Variants in OSTF1 observed in about 807,000 individuals in gnomAD.
OSTF1 encodes osteoclast-stimulating factor 1.
In OSTF1, 27 loss-of-function variants were observed where a neutral mutation model predicts 37.2. That is an observed-to-expected ratio of 0.73 (90% confidence interval 0.54 to 1.00). The LOEUF (loss-of-function observed/expected upper bound fraction) is 1.00. Among genes scored for constraint, OSTF1 ranks in the 50% least tolerant of loss-of-function variants. The pLI is 0.00. For synonymous variants in OSTF1, 82 were observed against 89.2 expected (o/e 0.92, Z 0.46); for missense variants, 232 against 253.8 (o/e 0.91, Z 0.58).
At chr9:75,141,678 A>C (rs1004702100) in intron 9 of OSTF1, among the ~76,000 whole-genome samples, 4 of 152,216 alleles carry the variant, frequency 2.6e-5, no homozygotes, top group African/African-American at 9.6e-5. Context: ...AATTTATTCT[A>C]GACTTTGCTA....
chr9:75,102,155 T>C (rs1044690489), intron 1 of OSTF1, among the ~76,000 whole-genome samples: 5 of 152,134 alleles, frequency 3.3e-5, no homozygotes, highest in African/African-American at 1.2e-4. Context: ...TTTTGTTTTT[T>C]GTAGAGATGG....
chr9:75,093,064 C>CTTTTT (rs1043919048), intron 1 of OSTF1, among the ~76,000 whole-genome samples: 7 of 112,856 alleles, frequency 6.2e-5, no homozygotes, highest in African/African-American at 2.2e-4. Flanking sequence ...TTCTTTCTTT[C>CTTTTT]TTTTTTTTTT....
At position 75,128,493 on chromosome 9, in the gene OSTF1, TATTTTGTCC is replaced by T. The variant is rs1270883106; in HGVS notation, c.132+877_132+885del. Among the ~76,000 whole-genome samples, 8 of 47,376 alleles carry T rather than the reference TATTTTGTCC, an allele frequency of 1.7e-4. 2 individuals are homozygous for T. The highest frequency in any genetic ancestry group is 8.1e-4 in the African/African-American group (8 of 9,868). 31.1% of individuals were successfully genotyped at this position (47,376 alleles called of 152,430 possible). A position where few individuals can be genotyped will look rare whatever the true frequency, so the allele number is the denominator to read the frequency against. On this transcript the variant is annotated intron_variant, in intron 3 of 9. Transcript: ENST00000346234. ...TATTTTGTCCATATATATATATATA[TATTTTGTCC>T]ATATATATATATATATATTTTGTCC...
At chr9:75,136,397 TA>T (rs1448005731) in intron 7 of OSTF1, among the ~76,000 whole-genome samples, 2 of 152,134 alleles carry the variant, frequency 1.3e-5, no homozygotes, top group African/African-American at 4.8e-5. Flanking sequence ...CATTCATTAT[TA>T]TTTTTTTAAT....
chr9:75,101,867 GAGGTTGCACTATAAATAAAGGGCACATTT>G (rs1825198807), intron 1 of OSTF1, among the ~76,000 whole-genome samples: 1 of 152,220 alleles, frequency 6.6e-6, no homozygotes, highest in Admixed American at 6.5e-5. Context: ...AGGTTTGAAA[GAGGTTGCACTATAAATAAAGGGCACATTT>G]ATATCATCAT....
intron 2 of OSTF1, among the ~76,000 whole-genome samples, chr9:75,123,715 T>C (rs539924985): frequency 6.6e-6 from 1 of 152,334 alleles, no homozygotes; most frequent in African/African-American, 2.4e-5. Flanking sequence ...AACGTGTCCC[T>C]AGTTTCTTTA....
At chr9:75,103,827 G>T (rs1326668091) in intron 1 of OSTF1, among the ~76,000 whole-genome samples, 1 of 152,138 alleles carries the variant, frequency 6.6e-6, no homozygotes, top group South Asian at 2.1e-4. Context: ...TGTAGACAAG[G>T]TCTTGTTGTG....
intron 7 of OSTF1, among the ~76,000 whole-genome samples, chr9:75,136,454 G>T (rs184259951): frequency 6.6e-6 from 1 of 152,038 alleles, no homozygotes; most frequent in Non-Finnish European, 1.5e-5. Context: ...GCGTAGTGGC[G>T]CAATCTCAGC....
intron 2 of OSTF1, among the ~76,000 whole-genome samples, chr9:75,126,253 A>C (rs1027915253): frequency 1.3e-5 from 2 of 152,246 alleles, no homozygotes; most frequent in Non-Finnish European, 2.9e-5. Context: ...ATTTTGATTT[A>C]TATGGAATAG....
At chr9:75,141,390 A>G (rs115967967) in intron 9 of OSTF1, among the ~76,000 whole-genome samples, 4,478 of 149,856 alleles carry the variant, frequency 0.03, 210 homozygotes, top group African/African-American at 0.1. Flanking sequence ...CTTGATCTTA[A>G]TGAGAACCCC....
At chr9:75,120,622 T>C (rs1825564765) in intron 2 of OSTF1, among the ~76,000 whole-genome samples, 2 of 152,216 alleles carry the variant, frequency 1.3e-5, no homozygotes, top group Admixed American at 1.3e-4. Flanking sequence ...TGCTTCCTCA[T>C]GACCTGGTTA....
intron 1 of OSTF1, among the ~76,000 whole-genome samples, chr9:75,090,693 C>A (rs10869498): frequency 0.2 from 30,906 of 151,442 alleles, 3,433 homozygotes; most frequent in Admixed American, 0.24. Flanking sequence ...AAAGCGATGG[C>A]CAGGAGCAGT....
intron 1 of OSTF1, among the ~76,000 whole-genome samples, chr9:75,099,701 C>T (rs1415592578): frequency 2.0e-5 from 3 of 152,116 alleles, no homozygotes; most frequent in Non-Finnish European, 4.4e-5. Context: ...TGGTGATGAG[C>T]GCCTGTAAAC....
chr9:75,133,226 G>T, intron 5 of OSTF1, 68 bp from the exon 6 acceptor site: 1 of 966,106 alleles, frequency 1.0e-6, no homozygotes, highest in Non-Finnish European at 1.6e-6. Flanking sequence ...GAATGACATT[G>T]ATTTAAAAGC....
At chr9:75,121,051 C>T (rs1195239766) in intron 2 of OSTF1, among the ~76,000 whole-genome samples, 1 of 152,154 alleles carries the variant, frequency 6.6e-6, no homozygotes, top group Non-Finnish European at 1.5e-5. Context: ...GGTTCAGAGC[C>T]CGCACTAGGG....
intron 1 of OSTF1, among the ~76,000 whole-genome samples, chr9:75,100,236 C>T (rs1413539754): frequency 1.3e-5 from 2 of 152,216 alleles, no homozygotes; most frequent in Non-Finnish European, 2.9e-5. Context: ...AGGTTATTCT[C>T]ACTGCCACGC....
chr9:75,123,926 C>T (rs948486210), intron 2 of OSTF1, among the ~76,000 whole-genome samples: 17 of 152,150 alleles, frequency 1.1e-4, no homozygotes, highest in Non-Finnish European at 1.8e-4. Flanking sequence ...CACTATTGAA[C>T]GGCAGCCATT....
intron 2 of OSTF1, among the ~76,000 whole-genome samples, chr9:75,118,474 T>C (rs770913609): frequency 6.6e-6 from 1 of 151,980 alleles, no homozygotes; most frequent in Non-Finnish European, 1.5e-5. Context: ...TGGGTAAGAT[T>C]GGAGGTGAGT....
Position 75,088,558 on chromosome 9 carries a change from A to G in OSTF1, c.-135A>G. 1 of 926,358 alleles carries G rather than the reference A, an allele frequency of 1.1e-6. No individual in the cohort carries two copies. Among genetic ancestry groups the G allele is most frequent in the Non-Finnish European group, 1.7e-6 (1 of 593,366 alleles). 57.4% of individuals were successfully genotyped at this position (926,358 alleles called of 1,614,324 possible). On this transcript the variant is annotated 5_prime_UTR_variant, in exon 1 of 10. Coordinates refer to ENST00000346234, the MANE Select transcript of OSTF1 (RefSeq NM_012383.5). ...CCTGCGTCCGCTCTTCCCGCAGCCA[A>G]GGGTGGGCGCCGGTCCTAGGAGGCG...
Sources: gnomAD v4.1 joint callset for allele counts (sites outside exome capture counted in the v4.1 genomes callset) on GRCh38, gnomAD v4.1.1 for gene constraint, MANE v1.5 for transcripts, NCBI Gene and HGNC (gene_info 2026-07-23, HGNC 2026-07-21) for gene names.